The following LRRC4C variants were observed in gnomAD, a reference collection of about 807,000 sequenced individuals.
LRRC4C encodes leucine-rich repeat-containing protein 4C.
In LRRC4C, 5 loss-of-function variants were observed where a neutral mutation model predicts 33.6. The ratio of observed to expected loss-of-function variants is 0.15; its 90% CI spans 0.08 to 0.31. The LOEUF is 0.31. LRRC4C is among the 10% of genes least tolerant of loss of function. The probability of loss-of-function intolerance (pLI) is 1.00; values close to 1 mark genes in which losing one functional copy is unlikely to be tolerated. For synonymous variants in LRRC4C, 329 were observed against 302.0 expected (o/e 1.09, Z -0.93); for missense variants, 560 against 796.7 (o/e 0.70, Z 3.58).
chr11:40,967,041 G>C (rs1432693122), intron 1 of LRRC4C, among the ~76,000 whole-genome samples: 2 of 152,052 alleles, frequency 1.3e-5, no homozygotes, highest in Non-Finnish European at 2.9e-5. Flanking sequence ...CTTCCTGAAA[G>C]AGGTGACATT....
At chr11:40,541,506 A>T (rs1956706115) in intron 3 of LRRC4C, among the ~76,000 whole-genome samples, 1 of 152,114 alleles carries the variant, frequency 6.6e-6, no homozygotes. Flanking sequence ...ACAAATTCAG[A>T]TTTCATGTAT....
At chr11:41,154,852 G>A (rs931758838) in intron 1 of LRRC4C, among the ~76,000 whole-genome samples, 1 of 152,078 alleles carries the variant, frequency 6.6e-6, no homozygotes, top group African/African-American at 2.4e-5. Context: ...TGAGACATGA[G>A]GGATTTTCTA....
chr11:40,137,399 G>A (rs936421566), intron 6 of LRRC4C, among the ~76,000 whole-genome samples: 2 of 151,872 alleles, frequency 1.3e-5, no homozygotes, highest in Non-Finnish European at 2.9e-5. Flanking sequence ...AGCAACACTA[G>A]GCATATTGCT....
intron 1 of LRRC4C, among the ~76,000 whole-genome samples, chr11:41,397,367 G>A (rs943294645): frequency 2.6e-5 from 4 of 151,658 alleles, no homozygotes; most frequent in Non-Finnish European, 5.9e-5. Flanking sequence ...AGACAATAAG[G>A]ATGAACACCT....
At chr11:40,288,009 A>G (rs1279831284) in intron 4 of LRRC4C, among the ~76,000 whole-genome samples, 1 of 152,218 alleles carries the variant, frequency 6.6e-6, no homozygotes, top group Non-Finnish European at 1.5e-5. Context: ...AACTAAAATC[A>G]TAGATGATCC....
chr11:40,847,480 C>T (rs1020920456), intron 2 of LRRC4C, among the ~76,000 whole-genome samples: 4 of 152,188 alleles, frequency 2.6e-5, no homozygotes, highest in African/African-American at 9.7e-5. Flanking sequence ...ACCAGACTTG[C>T]ATCCCAGGGT....
intron 1 of LRRC4C, among the ~76,000 whole-genome samples, chr11:41,193,660 A>C (rs1946059823): frequency 6.6e-6 from 1 of 152,126 alleles, no homozygotes; most frequent in African/African-American, 2.4e-5. Flanking sequence ...TCATCACATC[A>C]GAGGAATTAA....
At chr11:41,069,250 G>T (rs1355456926) in intron 1 of LRRC4C, among the ~76,000 whole-genome samples, 1 of 152,010 alleles carries the variant, frequency 6.6e-6, no homozygotes, top group African/African-American at 2.4e-5. Context: ...CAATAAACTA[G>T]GTATTGATGG....
chr11:41,402,135 TC>T (rs1358517165), intron 1 of LRRC4C, among the ~76,000 whole-genome samples: 3 of 151,868 alleles, frequency 2.0e-5, no homozygotes, highest in Non-Finnish European at 4.4e-5. Flanking sequence ...GACAACAGGG[TC>T]CATGGGATAA....
chr11:40,640,614 T>C (rs1176331692), intron 3 of LRRC4C, among the ~76,000 whole-genome samples: 1 of 152,106 alleles, frequency 6.6e-6, no homozygotes, highest in Admixed American at 6.6e-5. Flanking sequence ...TATTTCTAAG[T>C]TTCTAATAAT....
At chr11:40,984,722 T>C (rs1012518967) in intron 1 of LRRC4C, among the ~76,000 whole-genome samples, 5 of 151,894 alleles carry the variant, frequency 3.3e-5, no homozygotes, top group Non-Finnish European at 7.4e-5. Flanking sequence ...TAAATTGGAG[T>C]ATGATAAAAA....
At chr11:40,713,173 C>T (rs1946550176) in intron 2 of LRRC4C, among the ~76,000 whole-genome samples, 2 of 151,850 alleles carry the variant, frequency 1.3e-5, no homozygotes, top group Non-Finnish European at 2.9e-5. Context: ...GGATGATAGG[C>T]ATGAGCCACT....
intron 5 of LRRC4C, among the ~76,000 whole-genome samples, chr11:40,231,608 T>G (rs2136012152): frequency 6.6e-6 from 1 of 152,318 alleles, no homozygotes; most frequent in South Asian, 2.1e-4. Flanking sequence ...TAAGATATTT[T>G]TATACCTATT....
At chr11:40,349,577 G>T (rs1452941940) in intron 3 of LRRC4C, among the ~76,000 whole-genome samples, 1 of 152,104 alleles carries the variant, frequency 6.6e-6, no homozygotes, top group Non-Finnish European at 1.5e-5. Context: ...CTTTTGTGGA[G>T]CATATTTGCC....
At chr11:40,739,009 G>T (rs10837491) in intron 2 of LRRC4C, among the ~76,000 whole-genome samples, 1 of 53,314 alleles carries the variant, frequency 1.9e-5, no homozygotes, top group African/African-American at 5.7e-5. Flanking sequence ...AATTGCTATT[G>T]TGTGTGTGTG....
At position 40,115,107 on chromosome 11, in the gene LRRC4C, G is replaced by T. The variant is rs970993511; in HGVS notation, c.1186C>A (p.His396Asn). ...GCTATCCGCACTTTGTACGCCCCAT[G>T]TGTCATGACTGTTCCATTTGGAGTA... ...WITPNGTVMT[H>N]GAYKVRIAVL... The change falls in exon 7 of 7, where the codon CAT becomes AAT. Residue 396 changes from histidine (H) to asparagine (N), a missense_variant. By Grantham distance (68) the His-to-Asn change is moderately conservative. Around this residue, in one of 3 missense-constraint regions of LRRC4C, gnomAD observed 455 missense variants for 643.8 expected, o/e 0.71. Coordinates refer to ENST00000528697, the MANE Select transcript of LRRC4C (RefSeq NM_001258419.2). The surrounding 1 kb of genome is among the most constrained non-coding windows in gnomAD (Gnocchi z 6.7). The T allele has an allele frequency of 6.2e-7, 1 of 1,614,210 alleles. No individual in the cohort carries two copies. Among genetic ancestry groups the T allele is most frequent in the Non-Finnish European group, 8.5e-7 (1 of 1,180,036 alleles).
chr11:41,174,978 AT>A (rs1945135899), intron 1 of LRRC4C, among the ~76,000 whole-genome samples: 1 of 152,078 alleles, frequency 6.6e-6, no homozygotes, highest in South Asian at 2.1e-4. Flanking sequence ...AATTAAATTA[AT>A]TTAATTAATG....
chr11:40,738,150 G>A (rs1000281147), intron 2 of LRRC4C, among the ~76,000 whole-genome samples: 2 of 151,980 alleles, frequency 1.3e-5, no homozygotes, highest in African/African-American at 4.8e-5. Context: ...AATAGTGTTG[G>A]GAAAACTGGC....
intron 1 of LRRC4C, among the ~76,000 whole-genome samples, chr11:41,353,359 AAATG>A (rs1952049662): frequency 6.6e-6 from 1 of 152,122 alleles, no homozygotes; most frequent in Non-Finnish European, 1.5e-5. Context: ...TGAGTTCTGT[AAATG>A]AATCAGTAAT....
Sources: allele counts gnomAD v4.1 joint callset (sites outside exome capture counted in the v4.1 genomes callset), GRCh38; gene constraint gnomAD v4.1.1; regional missense constraint gnomAD v4.1.1; non-coding constraint Gnocchi (gnomAD v3.1); transcripts MANE v1.5; gene names NCBI Gene and HGNC (gene_info 2026-07-23, HGNC 2026-07-21).